INTS12: variants seen among roughly 807,000 people sequenced by gnomAD.
INTS12 encodes the protein PHD finger protein 22.
A neutral mutation model predicts 41.6 loss-of-function variants in INTS12; 13 were observed. The ratio of observed to expected loss-of-function variants is 0.31; its 90% CI spans 0.20 to 0.50. The LOEUF is 0.50. Among genes scored for constraint, INTS12 ranks in the 20% least tolerant of loss-of-function variants. The probability of loss-of-function intolerance (pLI) is 0.98; values close to 1 mark genes in which losing one functional copy is unlikely to be tolerated. For missense variants in INTS12, 432 were observed against 541.6 expected (o/e 0.80, Z 2.01); for synonymous variants, 199 against 191.4 (o/e 1.04, Z -0.33).
chr4:105,693,016 T>C (rs1246113441), intron 5 of INTS12, among the ~76,000 whole-genome samples: 2 of 152,134 alleles, frequency 1.3e-5, no homozygotes, highest in Non-Finnish European at 2.9e-5. Context: ...GGCATATATA[T>C]CATAATATAA....
At position 105,697,544 on chromosome 4, in the gene INTS12, A is replaced by C. The variant is rs180817722; in HGVS notation, c.157-1876T>G. ...CTGAGGCCTATAAATAGTTTTTTAT[A>C]AACAGTTATATTAGAACACAGCCAC... On this transcript the variant is annotated intron_variant, in intron 3 of 7. Coordinates refer to ENST00000340139, the MANE Select transcript of INTS12 (RefSeq NM_020395.4). Among the ~76,000 whole-genome samples, 3 of 152,264 alleles carry C rather than the reference A, an allele frequency of 2.0e-5. No homozygotes were observed. In the East Asian group the frequency reaches 5.8e-4, roughly 29 times the overall value.
chr4:105,708,583 G>A lies in INTS12; in HGVS notation c.-172+55C>T, dbSNP rs191528455. 5.1e-6 allele frequency: 5 copies of A among 985,288 alleles called. No individual in the cohort carries two copies. The Admixed American group carries it at 1.8e-4, about 36-fold the overall frequency. 61.0% of individuals were successfully genotyped at this position (985,288 alleles called of 1,614,324 possible). Reference sequence around the variant, plus strand: ...GCTACTCTCCCACCTCGCTCCTGGCGCGGGGGTCTCGAGCCTCCAGGAGGC... The same window carrying A: ...GCTACTCTCCCACCTCGCTCCTGGCACGGGGGTCTCGAGCCTCCAGGAGGC... On this transcript the variant is annotated intron_variant, in intron 1 of 7. Coordinates refer to ENST00000340139, the MANE Select transcript of INTS12 (RefSeq NM_020395.4).
chr4:105,684,811 G>A (rs953220164), intron 7 of INTS12, among the ~76,000 whole-genome samples: 1 of 151,930 alleles, frequency 6.6e-6, no homozygotes, highest in African/African-American at 2.4e-5. Flanking sequence ...ACATAAAACT[G>A]TCTGCCATAT....
Position 105,692,137 on chromosome 4 carries a change from T to C in INTS12, c.498-2A>G, listed in dbSNP as rs1159850668. 1 of 1,609,144 alleles carries C rather than the reference T, an allele frequency of 6.2e-7. No homozygotes were observed. The highest frequency in any genetic ancestry group is 1.3e-5 in the African/African-American group (1 of 74,928). ...TTGCCAGATGCCACCATCATTTGCCTAAGAAAACATACCATTAAACATTAC... is the reference window on the plus strand; with the variant it reads ...TTGCCAGATGCCACCATCATTTGCCCAAGAAAACATACCATTAAACATTAC... On this transcript the variant is annotated splice_acceptor_variant, in intron 5 of 7. Transcript: ENST00000340139. LOFTEE classifies it high-confidence loss of function.
intron 1 of INTS12, chr4:105,707,967 G>C (rs1732357159): frequency 1.0e-6 from 1 of 985,380 alleles, no homozygotes; most frequent in Non-Finnish European, 1.2e-6. Context: ...ACGTGCCCCA[G>C]ATGAAGGAAA....
At chr4:105,686,892 A>C in intron 6 of INTS12, 54 bp from the exon 7 acceptor site, 1 of 1,491,230 alleles carries the variant, frequency 6.7e-7, no homozygotes, top group Non-Finnish European at 9.3e-7. Context: ...AATATACAGA[A>C]AGATAATAAT....
At chr4:105,696,692 ATATC>A (rs1298946755) in intron 3 of INTS12, among the ~76,000 whole-genome samples, 1 of 152,182 alleles carries the variant, frequency 6.6e-6, no homozygotes, top group Non-Finnish European at 1.5e-5. Flanking sequence ...ATTTATATAT[ATATC>A]TATGTTTTTA....
intron 1 of INTS12, chr4:105,705,269 T>C (rs977926479): frequency 6.6e-6 from 1 of 152,224 alleles, no homozygotes; most frequent in Non-Finnish European, 1.5e-5. Context: ...GTGATCTACG[T>C]TGTGTGCTCC....
chr4:105,693,610 G>T (rs566622720), intron 4 of INTS12, 124 bp from the exon 5 acceptor site: 3 of 686,214 alleles, frequency 4.4e-6, no homozygotes, highest in African/African-American at 1.8e-5. Context: ...TATTCACATA[G>T]TTAGGGACAG....
chr4:105,697,292 T>G (rs937775405), intron 3 of INTS12, among the ~76,000 whole-genome samples: 6 of 152,216 alleles, frequency 3.9e-5, no homozygotes, highest in African/African-American at 1.4e-4. Context: ...GAGGGCACTT[T>G]CCCATCATTC....
chr4:105,696,049 A>T (rs144499591), intron 3 of INTS12, among the ~76,000 whole-genome samples: 93 of 152,156 alleles, frequency 6.1e-4, no homozygotes, highest in African/African-American at 2.2e-3. Flanking sequence ...ATGGCGTTTC[A>T]CCATGTTGGC....
intron 6 of INTS12, among the ~76,000 whole-genome samples, chr4:105,691,606 T>C (rs1731687858): frequency 6.6e-6 from 1 of 152,224 alleles, no homozygotes; most frequent in Non-Finnish European, 1.5e-5. Context: ...AAATTTTCTA[T>C]ATTTCCTTAC....
intron 5 of INTS12, 131 bp downstream of exon 5, chr4:105,693,168 C>A (rs1281992829): frequency 3.3e-6 from 2 of 603,796 alleles, no homozygotes; most frequent in East Asian, 2.8e-5. Flanking sequence ...CTTATCTCCA[C>A]CCCAGTTCCA....
rs909029352 is a variant in INTS12, at chr4:105,708,171, G to T, written c.-172+467C>A. 2.6e-5 allele frequency: 26 copies of T among 985,240 alleles called. No homozygotes were observed. In the African/African-American group the frequency reaches 4.2e-4, roughly 16 times the overall value. The allele number at this position is 985,240 out of a possible 1,614,324, so 61.0% of individuals were successfully genotyped here. ...TGATACCTTAGGGACACCTGGAATCGCAGGAGAAAAGGCTCCGATTCCAAA... is the reference window on the plus strand; with the variant it reads ...TGATACCTTAGGGACACCTGGAATCTCAGGAGAAAAGGCTCCGATTCCAAA... On this transcript the variant is annotated intron_variant, in intron 1 of 7. Coordinates refer to ENST00000340139, the MANE Select transcript of INTS12 (RefSeq NM_020395.4).
intron 7 of INTS12, 38 bp from the exon 8 acceptor site, chr4:105,683,355 T>A: frequency 7.1e-7 from 1 of 1,414,878 alleles, no homozygotes; most frequent in East Asian, 2.5e-5. Flanking sequence ...TAGAGCCAAG[T>A]TTAATCAGTA....
In INTS12 at chr4:105,695,640, G is replaced by A. The variant is rs1215356060; in HGVS notation, c.185C>T (p.Thr62Ile). 1.2e-6 allele frequency: 2 copies of A among 1,612,388 alleles called. No individual in the cohort carries two copies. Among genetic ancestry groups the A allele is most frequent in the Admixed American group, 3.3e-5 (2 of 59,858 alleles). Reference sequence around the variant, plus strand: ...CTCTTGCTTAATGGAAATGTTTTTTGTGCTTGAAATTTTGGGTGGCTCCAC... The same window carrying A: ...CTCTTGCTTAATGGAAATGTTTTTTATGCTTGAAATTTTGGGTGGCTCCAC... ...KDVEPPKISSTKNISIKQEPK... is the reference protein window; with the variant it reads ...KDVEPPKISSIKNISIKQEPK... Residue 62 changes from threonine (T) to isoleucine (I), a missense_variant, in exon 4 of 8, where the codon ACA becomes ATA. Physicochemically the swap from Thr to Ile is moderately conservative, Grantham distance 89. This residue lies in a region of INTS12 where 168 missense variants were observed against 198.9 expected (regional missense o/e 0.84). Coordinates refer to ENST00000340139, the MANE Select transcript of INTS12 (RefSeq NM_020395.4).
chr4:105,692,134 G>A lies in INTS12; in HGVS notation c.499C>T (p.Gln167Ter). Residue 167 changes from glutamine (Q) to a stop codon, truncating the protein, a stop_gained and splice_region_variant, in exon 6 of 8, where the codon CAA (glutamine) becomes TAA (stop). Coordinates refer to ENST00000340139, the MANE Select transcript of INTS12 (RefSeq NM_020395.4). LOFTEE classifies it high-confidence loss of function. ...EMGLACVVCR[Q>*]MMVASGNQLV... ...TGATTGCCAGATGCCACCATCATTTGCCTAAGAAAACATACCATTAAACAT... is the reference window on the plus strand; with the variant it reads ...TGATTGCCAGATGCCACCATCATTTACCTAAGAAAACATACCATTAAACAT... 1 of 1,609,530 alleles carries A rather than the reference G, an allele frequency of 6.2e-7. No individual in the cohort carries two copies. The highest frequency in any genetic ancestry group is 8.5e-7 in the Non-Finnish European group (1 of 1,177,878).
At chr4:105,697,687 A>G (rs1048584339) in intron 3 of INTS12, among the ~76,000 whole-genome samples, 1 of 152,182 alleles carries the variant, frequency 6.6e-6, no homozygotes, top group Non-Finnish European at 1.5e-5. Flanking sequence ...CTCTTTATAA[A>G]GTCTGTTGAT....
At chr4:105,708,495 G>A (rs571560869) in intron 1 of INTS12, 143 bp downstream of exon 1, 1 of 985,402 alleles carries the variant, frequency 1.0e-6, no homozygotes, top group South Asian at 4.7e-5. Context: ...GTCAGTCTAG[G>A]GCACGCAACC....
Sources: allele counts gnomAD v4.1 joint callset (sites outside exome capture counted in the v4.1 genomes callset), GRCh38; gene constraint gnomAD v4.1.1; regional missense constraint gnomAD v4.1.1; transcripts MANE v1.5; gene names NCBI Gene and HGNC (gene_info 2026-07-23, HGNC 2026-07-21).